The following NFIA variants were observed in gnomAD, a reference collection of about 807,000 sequenced individuals.
The protein encoded by NFIA is nuclear factor I A.
In NFIA, 8 loss-of-function variants were observed where a neutral mutation model predicts 62.8. The observed-to-expected ratio is 0.13, with a 90% confidence interval of 0.07 to 0.23. NFIA has a LOEUF of 0.23. Among genes scored for constraint, NFIA ranks in the 10% least tolerant of loss-of-function variants. NFIA has a pLI of 1.00. For missense variants in NFIA, 410 were observed against 642.1 expected, an observed-to-expected ratio of 0.64 and a Z score of 3.91; for synonymous variants, 235 against 238.1, an observed-to-expected ratio of 0.99 and a Z score of 0.12.
Position 61,144,196 on chromosome 1 carries a change from G to T in NFIA, c.559+55516G>T, listed in dbSNP as rs192059793. 2.9e-3 allele frequency among the ~76,000 whole-genome samples: 438 copies of T among 152,308 alleles called. 10 individuals are homozygous for T. Among genetic ancestry groups the T allele is most frequent in the Non-Finnish European group, 2.4e-4 (16 of 68,032 alleles). ...GGATCAGTGGCATTAGCATAACATGGGGACTTGTTAGCAGTGCAAATGTTG... is the reference window on the plus strand; with the variant it reads ...GGATCAGTGGCATTAGCATAACATGTGGACTTGTTAGCAGTGCAAATGTTG... On this transcript the variant is annotated intron_variant, in intron 2 of 10. Coordinates refer to ENST00000403491, the MANE Select transcript of NFIA (RefSeq NM_001134673.4).
At chr1:61,432,860 A>G (rs1048826334) in intron 10 of NFIA, among the ~76,000 whole-genome samples, 4 of 152,066 alleles carry the variant, frequency 2.6e-5, no homozygotes, top group Non-Finnish European at 4.4e-5. Flanking sequence ...TGAATATTCT[A>G]CAGCACCCGT....
chr1:61,079,073 C>A (rs555628225), upstream of NFIA, among the ~76,000 whole-genome samples: 1 of 152,188 alleles, frequency 6.6e-6, no homozygotes, highest in African/African-American at 2.4e-5. Context: ...GCCTTCCAGT[C>A]AAATCTGGCT....
intron 2 of NFIA, among the ~76,000 whole-genome samples, chr1:61,239,620 C>A (rs1409278032): frequency 6.6e-6 from 1 of 152,038 alleles, no homozygotes; most frequent in Non-Finnish European, 1.5e-5. Flanking sequence ...CTTAAAGTTT[C>A]AAAAGATAGC....
chr1:61,128,274 A>G (rs1647010569), intron 2 of NFIA, among the ~76,000 whole-genome samples: 1 of 152,026 alleles, frequency 6.6e-6, no homozygotes, highest in African/African-American at 2.4e-5. Flanking sequence ...AATTGTAAGG[A>G]GGAAGAACAG....
At chr1:61,306,118 G>A (rs1346241432) in intron 3 of NFIA, among the ~76,000 whole-genome samples, 2 of 151,806 alleles carry the variant, frequency 1.3e-5, no homozygotes, top group Admixed American at 6.6e-5. Context: ...CCAAAGTGCT[G>A]GGATTACAGG....
intron 2 of NFIA, among the ~76,000 whole-genome samples, chr1:61,126,449 C>CACACACAA (rs1385506595): frequency 7.2e-6 from 1 of 139,326 alleles, no homozygotes; most frequent in African/African-American, 2.7e-5. Context: ...CACACACACA[C>CACACACAA]ACACACACAC....
chr1:61,357,127 C>T (rs1662996726), intron 5 of NFIA, among the ~76,000 whole-genome samples: 1 of 152,236 alleles, frequency 6.6e-6, no homozygotes. Flanking sequence ...CCCTTCTTCC[C>T]CACCTCAGCC....
At chr1:61,178,579 C>T (rs563826296) in intron 2 of NFIA, among the ~76,000 whole-genome samples, 1 of 152,280 alleles carries the variant, frequency 6.6e-6, no homozygotes, top group African/African-American at 2.4e-5. Flanking sequence ...CCGTGTATCT[C>T]CAGTGTTTGC....
At chr1:61,328,723 ATTT>A (rs35979153) in intron 3 of NFIA, among the ~76,000 whole-genome samples, 2 of 108,908 alleles carry the variant, frequency 1.8e-5, no homozygotes, top group East Asian at 2.6e-4. Context: ...CCGGCCTATA[ATTT>A]TTTTTTTTTT....
chr1:61,291,794 G>C (rs1405260818), intron 3 of NFIA, among the ~76,000 whole-genome samples: 1 of 152,164 alleles, frequency 6.6e-6, no homozygotes. Context: ...GTATAGACTT[G>C]AGGTCAGGGA....
chr1:61,161,268 T>C (rs1360779276), intron 2 of NFIA, among the ~76,000 whole-genome samples: 2 of 152,190 alleles, frequency 1.3e-5, no homozygotes, highest in East Asian at 1.9e-4. Flanking sequence ...TCTGCAGTTT[T>C]TGTTTGTTAG....
At position 61,404,486 on chromosome 1, in the gene NFIA, A is replaced by C. The variant is rs978615660; in HGVS notation, c.1254+204A>C. Among the ~76,000 whole-genome samples, 52 of 152,320 alleles carry C rather than the reference A, an allele frequency of 3.4e-4. 1 individual carries two copies. Among genetic ancestry groups the C allele is most frequent in the African/African-American group, 1.2e-3 (51 of 41,574 alleles). ...GGGTTTAAAAACAGTGTTTGTGTTA[A>C]GTTTGCAACTGTCAAGTTTATGGAT... On this transcript the variant is annotated intron_variant, in intron 8 of 10. Coordinates refer to ENST00000403491, the MANE Select transcript of NFIA (RefSeq NM_001134673.4).
chr1:61,416,621 T>C (rs1200343373), intron 9 of NFIA, among the ~76,000 whole-genome samples: 1 of 152,192 alleles, frequency 6.6e-6, no homozygotes, highest in Admixed American at 6.5e-5. Context: ...TATTTTAATT[T>C]TGTGTAGTCT....
chr1:61,349,545 G>A (rs1662435109), intron 4 of NFIA, among the ~76,000 whole-genome samples: 2 of 152,026 alleles, frequency 1.3e-5, no homozygotes, highest in Non-Finnish European at 2.9e-5. Flanking sequence ...TAGTCAAGAA[G>A]TCAGCATGTC....
At position 61,111,596 on chromosome 1, in the gene NFIA, A is replaced by G. The variant is rs551562910; in HGVS notation, c.559+22916A>G. Reference sequence around the variant, plus strand: ...GAGATTGTTGTGCATTCTATTAAATACTGCCAGTATGATTAATTTAAAGGG... The same window carrying G: ...GAGATTGTTGTGCATTCTATTAAATGCTGCCAGTATGATTAATTTAAAGGG... On this transcript the variant is annotated intron_variant, in intron 2 of 10. Transcript: ENST00000403491. Among the ~76,000 whole-genome samples, 3 of 152,284 alleles carry G rather than the reference A, an allele frequency of 2.0e-5. No individual in the cohort carries two copies. In the East Asian group the frequency reaches 5.8e-4, roughly 29 times the overall value.
At chr1:61,404,744 T>C (rs1665737334) in intron 8 of NFIA, among the ~76,000 whole-genome samples, 1 of 152,252 alleles carries the variant, frequency 6.6e-6, no homozygotes, top group Non-Finnish European at 1.5e-5. Flanking sequence ...TTAGATCAAG[T>C]TGACCAGTAC....
chr1:61,339,299 A>G (rs1054836768), intron 4 of NFIA, among the ~76,000 whole-genome samples: 4 of 152,176 alleles, frequency 2.6e-5, no homozygotes, highest in African/African-American at 7.2e-5. Context: ...CAGACAAAAG[A>G]GTGGGTGGCC....
At chr1:61,251,783 AT>A (rs746329567) in intron 2 of NFIA, among the ~76,000 whole-genome samples, 10 of 152,206 alleles carry the variant, frequency 6.6e-5, no homozygotes, top group Non-Finnish European at 1.2e-4. Flanking sequence ...GCAATCATGT[AT>A]TTAATGAAAA....
chr1:61,079,016 C>T (rs1040229225), upstream of NFIA, among the ~76,000 whole-genome samples: 3 of 152,208 alleles, frequency 2.0e-5, no homozygotes, highest in African/African-American at 7.2e-5. Context: ...TGGGCTCTTT[C>T]CCTTCTTTGG....
Sources: gnomAD v4.1 joint callset for allele counts (sites outside exome capture counted in the v4.1 genomes callset) on GRCh38, gnomAD v4.1.1 for gene constraint, MANE v1.5 for transcripts, NCBI Gene and HGNC (gene_info 2026-07-23, HGNC 2026-07-21) for gene names.